Variants in RBFOX1 observed in about 807,000 individuals in gnomAD.
RBFOX1 encodes RNA binding fox-1 homolog 1, also known as RNA binding protein fox-1 homolog 1.
RBFOX1 carries 8 observed loss-of-function variants against 57.7 expected under a neutral mutation model. The ratio of observed to expected loss-of-function variants is 0.14; its 90% CI spans 0.08 to 0.25. The LOEUF (loss-of-function observed/expected upper bound fraction) is 0.25, where lower values mean the gene tolerates loss of function less well. RBFOX1 is among the 10% of genes least tolerant of loss of function. The pLI, the probability that RBFOX1 is intolerant of heterozygous loss-of-function variation, is 1.00. For synonymous variants in RBFOX1, 326 were observed against 222.4 expected (o/e 1.47, Z -4.15); for missense variants, 611 against 548.5 (o/e 1.11, Z -1.14).
chr16:5,454,899 T>TTTG lies in RBFOX1; in HGVS notation c.220-12315_220-12314insGTT, dbSNP rs2068555864. Among the ~76,000 whole-genome samples, 2 of 102,154 alleles carry TTTG rather than the reference T, an allele frequency of 2.0e-5. 1 individual carries two copies. Among genetic ancestry groups the TTTG allele is most frequent in the Non-Finnish European group, 4.5e-5 (2 of 44,194 alleles). 67.0% of individuals were successfully genotyped at this position (102,154 alleles called of 152,430 possible). A position where few individuals can be genotyped will look rare whatever the true frequency, so the allele number is the denominator to read the frequency against. ...CTTTCTTTCTTTCTTTCTTTCTTTC[T>TTTG]TTCTTTCTTTCTTTCCTTTGTTTCT... On this transcript the variant is annotated intron_variant, in intron 1 of 2. Coordinates refer to the RBFOX1 transcript ENST00000585867.
chr16:5,481,268 C>A (rs1263240369), intron 2 of RBFOX1, among the ~76,000 whole-genome samples: 3 of 152,128 alleles, frequency 2.0e-5, no homozygotes, highest in African/African-American at 7.2e-5. Context: ...GCATCTTCAC[C>A]CCAGCATAAT....
chr16:5,463,255 T>C (rs1342721832), intron 1 of RBFOX1, among the ~76,000 whole-genome samples: 1 of 152,152 alleles, frequency 6.6e-6, no homozygotes, highest in East Asian at 1.9e-4. Flanking sequence ...TAAATCCAAC[T>C]GACACCTTAC....
At chr16:7,695,213 T>G (rs1451357199) in intron 14 of RBFOX1, among the ~76,000 whole-genome samples, 1 of 152,188 alleles carries the variant, frequency 6.6e-6, no homozygotes, top group Non-Finnish European at 1.5e-5. Flanking sequence ...AGGTTCCGTT[T>G]GAACTCTGAA....
chr16:5,328,769 A>G (rs905224163), intron 1 of RBFOX1, among the ~76,000 whole-genome samples: 1 of 152,176 alleles, frequency 6.6e-6, no homozygotes, highest in Non-Finnish European at 1.5e-5. Context: ...CATCCGATTC[A>G]AGCTCAGCCA....
chr16:5,929,101 G>C (rs1567158737), intron 4 of RBFOX1, among the ~76,000 whole-genome samples: 1 of 151,952 alleles, frequency 6.6e-6, no homozygotes, highest in Non-Finnish European at 1.5e-5. Context: ...TGGCTTGGGT[G>C]ATTGAAAATG....
chr16:5,305,980 C>G (rs572077628), intron 1 of RBFOX1, among the ~76,000 whole-genome samples: 76 of 152,254 alleles, frequency 5.0e-4, no homozygotes, highest in African/African-American at 1.7e-3. Flanking sequence ...TTGCTTGAGT[C>G]CAGTAGTTTG....
At chr16:6,299,570 T>C (rs12596507) in intron 1 of RBFOX1, among the ~76,000 whole-genome samples, 10,088 of 152,134 alleles carry the variant, frequency 0.066, 361 homozygotes, top group South Asian at 0.095. Flanking sequence ...GACCCCAGCG[T>C]CATCGTCACT....
intron 4 of RBFOX1, among the ~76,000 whole-genome samples, chr16:7,275,458 G>A (rs2095422492): frequency 6.6e-6 from 1 of 152,056 alleles, no homozygotes. Context: ...AAGTAAGTAG[G>A]GTGTGGATTT....
chr16:6,916,746 G>C (rs117134481), intron 3 of RBFOX1, among the ~76,000 whole-genome samples: 2 of 152,142 alleles, frequency 1.3e-5, no homozygotes, highest in African/African-American at 2.4e-5. Flanking sequence ...ATTACTTCCA[G>C]CTTTTTTCTA....
chr16:7,373,281 C>T (rs558544893), intron 4 of RBFOX1, among the ~76,000 whole-genome samples: 20 of 152,084 alleles, frequency 1.3e-4, no homozygotes, highest in Non-Finnish European at 2.8e-4. Flanking sequence ...TTTGCACCAA[C>T]CTAAGGAACA....
At chr16:6,606,448 G>A (rs1313537531) in intron 2 of RBFOX1, among the ~76,000 whole-genome samples, 1 of 152,112 alleles carries the variant, frequency 6.6e-6, no homozygotes, top group African/African-American at 2.4e-5. Flanking sequence ...GTGATTTGCT[G>A]CACCTATCAA....
At chr16:6,749,613 C>T (rs377169990) in intron 3 of RBFOX1, among the ~76,000 whole-genome samples, 18 of 152,192 alleles carry the variant, frequency 1.2e-4, no homozygotes, top group African/African-American at 3.4e-4. Context: ...GTTTATTGAC[C>T]TCATATACAT....
intron 4 of RBFOX1, among the ~76,000 whole-genome samples, chr16:7,442,161 G>A (rs574434288): frequency 6.6e-6 from 1 of 152,260 alleles, no homozygotes; most frequent in South Asian, 2.1e-4. Context: ...CGGGACCCCA[G>A]AGATTTTACC....
chr16:7,503,133 T>C (rs1346419274), intron 4 of RBFOX1, among the ~76,000 whole-genome samples: 1 of 152,254 alleles, frequency 6.6e-6, no homozygotes, highest in Non-Finnish European at 1.5e-5. Context: ...TAGAACATTC[T>C]GTCATCTGTA....
chr16:6,313,441 T>A (rs114023905), intron 1 of RBFOX1, among the ~76,000 whole-genome samples: 2 of 152,146 alleles, frequency 1.3e-5, no homozygotes, highest in African/African-American at 4.8e-5. Context: ...TATGAAGCAG[T>A]TCATGGCAGA....
In RBFOX1 at chr16:5,821,290, T is replaced by C. The variant is rs970988524; in HGVS notation, c.319-46013T>C. 1.1e-3 allele frequency among the ~76,000 whole-genome samples: 148 copies of C among 139,458 alleles called. 1 individual carries two copies. Among genetic ancestry groups the C allele is most frequent in the African/African-American group, 3.8e-3 (139 of 36,512 alleles). 91.5% of individuals were successfully genotyped at this position (139,458 alleles called of 152,430 possible). On this transcript the variant is annotated intron_variant, in intron 3 of 19. Transcript: ENST00000641259. ...AAGTGGGCTGTCTGTCATTCTCTCTTTTTTTATTTTTTTTTTTTTTTTTGA... is the reference window on the plus strand; with the variant it reads ...AAGTGGGCTGTCTGTCATTCTCTCTCTTTTTATTTTTTTTTTTTTTTTTGA...
chr16:6,849,055 T>G (rs75329543), intron 3 of RBFOX1, among the ~76,000 whole-genome samples: 1 of 152,132 alleles, frequency 6.6e-6, no homozygotes, highest in South Asian at 2.1e-4. Context: ...CCTGCAGATT[T>G]AGGAAAAAGT....
chr16:5,966,153 A>G (rs1327315969), intron 4 of RBFOX1, among the ~76,000 whole-genome samples: 2 of 152,184 alleles, frequency 1.3e-5, no homozygotes, highest in African/African-American at 4.8e-5. Context: ...TCATTGCTCA[A>G]TGAATTTTCA....
intron 2 of RBFOX1, among the ~76,000 whole-genome samples, chr16:5,533,720 T>C (rs1341326000): frequency 6.6e-6 from 1 of 152,136 alleles, no homozygotes; most frequent in Non-Finnish European, 1.5e-5. Flanking sequence ...AATGACCATG[T>C]GGAGTGTGTT....
Sources: gnomAD v4.1 joint callset for allele counts (sites outside exome capture counted in the v4.1 genomes callset) on GRCh38, gnomAD v4.1.1 for gene constraint, MANE v1.5 for transcripts, NCBI Gene and HGNC (gene_info 2026-07-23, HGNC 2026-07-21) for gene names.